The following PRIM2 variants were observed in gnomAD, a reference collection of about 807,000 sequenced individuals.
PRIM2 encodes the protein DNA primase large subunit.
In PRIM2, 39 loss-of-function variants were observed where a neutral mutation model predicts 67.3. The ratio of observed to expected loss-of-function variants is 0.58; its 90% CI spans 0.45 to 0.76. The LOEUF is 0.76. Ranked by LOEUF, PRIM2 falls within the 30% of genes least tolerant of loss-of-function variation. The probability of loss-of-function intolerance (pLI) is 0.00; values close to 1 mark genes in which losing one functional copy is unlikely to be tolerated. For synonymous variants in PRIM2, 143 were observed against 198.7 expected (o/e 0.72, Z 2.36); for missense variants, 398 against 598.7 (o/e 0.66, Z 3.50).
chr6:57,503,284 T>A (rs1774178121), intron 7 of PRIM2, among the ~76,000 whole-genome samples: 1 of 152,204 alleles, frequency 6.6e-6, no homozygotes, highest in Non-Finnish European at 1.5e-5. Flanking sequence ...GTGAGGTACC[T>A]GAGTAATGGT....
chr6:57,569,203 G>T, intron 10 of PRIM2, among the ~76,000 whole-genome samples: 1 of 152,086 alleles, frequency 6.6e-6, no homozygotes, highest in Non-Finnish European at 1.5e-5. Flanking sequence ...TGGGTTCTTG[G>T]GAGGAGCGGG....
intron 7 of PRIM2, among the ~76,000 whole-genome samples, chr6:57,489,725 T>C (rs1418768562): frequency 6.6e-6 from 1 of 152,294 alleles, no homozygotes; most frequent in Non-Finnish European, 1.5e-5. Context: ...ATATAGGCTG[T>C]TGGCTCCTTC....
chr6:57,545,152 G>A (rs1157728021), intron 10 of PRIM2, among the ~76,000 whole-genome samples: 7 of 151,950 alleles, frequency 4.6e-5, no homozygotes, highest in East Asian at 3.9e-4. Flanking sequence ...ATTTGTTGTC[G>A]TCCATGTATT....
At chr6:57,337,474 A>G in intron 5 of PRIM2, among the ~76,000 whole-genome samples, 1 of 151,766 alleles carries the variant, frequency 6.6e-6, no homozygotes, top group South Asian at 2.1e-4. Flanking sequence ...AGCTCTCCTC[A>G]GCAAATGTAA....
chr6:57,264,257 G>T, the PRIM2 span, among the ~76,000 whole-genome samples: 1 of 152,094 alleles, frequency 6.6e-6, no homozygotes, highest in African/African-American at 2.4e-5. Context: ...CTGCAGTGTT[G>T]GGTGGTGCAG....
At chr6:57,451,291 C>T (rs1374800650) in intron 7 of PRIM2, among the ~76,000 whole-genome samples, 2 of 152,124 alleles carry the variant, frequency 1.3e-5, no homozygotes, top group African/African-American at 4.8e-5. Context: ...CAGGTGCCCA[C>T]CACCATGCTT....
chr6:57,417,342 C>A (rs1232981883), intron 7 of PRIM2, among the ~76,000 whole-genome samples: 2 of 152,106 alleles, frequency 1.3e-5, no homozygotes, highest in Non-Finnish European at 1.5e-5. Flanking sequence ...TTTGCATTTA[C>A]GACTTTGCTC....
intron 9 of PRIM2, among the ~76,000 whole-genome samples, chr6:57,535,812 C>T (rs1774990208): frequency 6.6e-6 from 1 of 151,936 alleles, no homozygotes; most frequent in Admixed American, 6.6e-5. Context: ...TTATAGTGAG[C>T]CGAGATGGCA....
chr6:57,589,967 G>A (rs1433585404), intron 10 of PRIM2, among the ~76,000 whole-genome samples: 2 of 152,112 alleles, frequency 1.3e-5, no homozygotes, highest in Non-Finnish European at 2.9e-5. Flanking sequence ...CAAAGATCCA[G>A]GAAGAATTTT....
At chr6:57,231,161 G>T in the PRIM2 span, among the ~76,000 whole-genome samples, 3 of 152,190 alleles carry the variant, frequency 2.0e-5, no homozygotes, top group Non-Finnish European at 4.4e-5. Context: ...GTCCACTGGA[G>T]ACTTTTCTTT....
intron 7 of PRIM2, 180 bp downstream of exon 7, chr6:57,382,348 C>G (rs1224790153): frequency 3.0e-6 from 2 of 670,854 alleles, no homozygotes; most frequent in Admixed American, 3.7e-5. Flanking sequence ...TTGTTACTAT[C>G]CATAGTTGGT....
chr6:57,249,671 G>A, the PRIM2 span, among the ~76,000 whole-genome samples: 3 of 152,212 alleles, frequency 2.0e-5, no homozygotes, highest in Non-Finnish European at 2.9e-5. Context: ...GAACCCAAGA[G>A]GAGGAGGTTG....
intron 3 of PRIM2, among the ~76,000 whole-genome samples, chr6:57,322,453 A>T (rs1460127730): frequency 6.6e-6 from 1 of 152,074 alleles, no homozygotes; most frequent in Non-Finnish European, 1.5e-5. Flanking sequence ...AGGTAATTGA[A>T]TCATGGGGGT....
rs148908229 is a variant in PRIM2 at position 57,323,940 on chromosome 6, C to G, written c.259-261C>G. Among the ~76,000 whole-genome samples, 36 of 152,004 alleles carry G rather than the reference C, an allele frequency of 2.4e-4. No homozygotes were observed. In the South Asian group the frequency reaches 3.5e-3, roughly 15 times the overall value. The stretch of plus-strand genomic sequence containing the variant: ...CATCATACAGAAGATAAAAAATTAG[C>G]GGGGCATGGTGGGTGTCGCTTGTAG... On this transcript the variant is annotated intron_variant, in intron 3 of 13. Coordinates refer to ENST00000615550, the MANE Select transcript of PRIM2 (RefSeq NM_000947.5).
chr6:57,274,531 C>T, the PRIM2 span, among the ~76,000 whole-genome samples: 1 of 152,242 alleles, frequency 6.6e-6, no homozygotes, highest in South Asian at 2.1e-4. Flanking sequence ...TCTGTCACCC[C>T]TTTCTTTGAC....
intron 5 of PRIM2, among the ~76,000 whole-genome samples, chr6:57,374,324 C>T (rs62418000): frequency 2.4e-5 from 3 of 123,240 alleles, no homozygotes; most frequent in Non-Finnish European, 3.6e-5. Flanking sequence ...GACGGAGTTT[C>T]GCTCTGTCGC....
chr6:57,313,088 T>C (rs575288444), upstream of PRIM2, among the ~76,000 whole-genome samples: 7 of 152,328 alleles, frequency 4.6e-5, no homozygotes, highest in Non-Finnish European at 7.3e-5. Context: ...TAAATACTAA[T>C]GAATTAAGAT....
chr6:57,272,714 C>T, the PRIM2 span, among the ~76,000 whole-genome samples: 1 of 152,186 alleles, frequency 6.6e-6, no homozygotes, highest in South Asian at 2.1e-4. Context: ...GCAGTTTCTT[C>T]CTAGCCTTGG....
chr6:57,476,141 A>G (rs1196793148), intron 7 of PRIM2, among the ~76,000 whole-genome samples: 9 of 152,124 alleles, frequency 5.9e-5, no homozygotes, highest in African/African-American at 2.2e-4. Flanking sequence ...CCCCTCATGA[A>G]CTTAAATATT....
Sources: gnomAD v4.1 joint callset for allele counts (sites outside exome capture counted in the v4.1 genomes callset) on GRCh38, gnomAD v4.1.1 for gene constraint, MANE v1.5 for transcripts, NCBI Gene and HGNC (gene_info 2026-07-23, HGNC 2026-07-21) for gene names.